Variants in TMPRSS11B observed in about 807,000 individuals in gnomAD.
TMPRSS11B encodes the protein transmembrane protease serine 11B.
In TMPRSS11B, 53 loss-of-function variants were observed where a neutral mutation model predicts 44.7. The ratio of observed to expected loss-of-function variants is 1.19; its 90% confidence interval spans 0.95 to 1.49. TMPRSS11B has a LOEUF of 1.49. TMPRSS11B is among the 40% of genes most tolerant of loss of function. The pLI, the probability that TMPRSS11B is intolerant of heterozygous loss-of-function variation, is 0.00. For missense variants in TMPRSS11B, 526 were observed against 494.8 expected (o/e 1.06, Z -0.60); for synonymous variants, 140 against 159.2 (o/e 0.88, Z 0.91).
chr4:68,243,233 T>A (rs1719906466), intron 1 of TMPRSS11B, among the ~76,000 whole-genome samples: 1 of 152,162 alleles, frequency 6.6e-6, no homozygotes, highest in Non-Finnish European at 1.5e-5. Context: ...AACAGAAGAG[T>A]TTGTAATCAG....
intron 1 of TMPRSS11B, among the ~76,000 whole-genome samples, chr4:68,243,308 C>T (rs911145525): frequency 6.6e-6 from 1 of 152,086 alleles, no homozygotes; most frequent in Admixed American, 6.6e-5. Flanking sequence ...TCATCTCATC[C>T]AGGACCAACT....
chr4:68,232,461 A>C, intron 5 of TMPRSS11B, 45 bp from the exon 6 acceptor site: 1 of 1,566,280 alleles, frequency 6.4e-7, no homozygotes, highest in Non-Finnish European at 8.8e-7. Context: ...AGCAAATATC[A>C]CCAAGCAATT....
Position 68,241,762 on chromosome 4 carries a change from C to G in TMPRSS11B, c.51G>C (p.Thr17=), listed in dbSNP as rs371254373. Residue 17 remains threonine (T), a synonymous_variant, in exon 2 of 10, where the codon ACG becomes ACC. Transcript: ENST00000332644. ...CCGCCACTCCAAGAAAAATAAAGAT[C>G]GTAGTCCATAGTGGCCAAGATCTTT... ...SSQRSWPLWT[T]IFIFLGVAAI... 6.2e-7 allele frequency: 1 copy of G among 1,613,172 alleles called. No homozygotes were observed. Among genetic ancestry groups the G allele is most frequent in the Non-Finnish European group, 8.5e-7 (1 of 1,179,436 alleles).
At position 68,228,755 on chromosome 4, in the gene TMPRSS11B, G is replaced by C; in HGVS notation, c.1076C>G (p.Ala359Gly). ...MLCAGFMSGE[A>G]DACQNDSGGP... ...AACTAGACATACCTGACATGCATCA[G>C]CTTCTCCTGACATAAATCCAGCACA... Residue 359 changes from alanine to glycine, a missense_variant, in exon 9 of 10, where the codon GCT becomes GGT. Coordinates refer to ENST00000332644, the MANE Select transcript of TMPRSS11B (RefSeq NM_182502.3). 6.2e-7 allele frequency: 1 copy of C among 1,610,548 alleles called. No homozygotes were observed. The highest frequency in any genetic ancestry group is 8.5e-7 in the Non-Finnish European group (1 of 1,178,528).
In TMPRSS11B at chr4:68,231,314, A is replaced by G. The variant is rs1719508758; in HGVS notation, c.575T>C (p.Leu192Pro). The change falls in exon 7 of 10, where the codon CTG becomes CCG. Residue 192 changes from leucine to proline, a missense_variant. Physicochemically the swap from Leu to Pro is moderately conservative, Grantham distance 98. Transcript: ENST00000332644. Reference sequence around the variant, plus strand: ...GGCCTGCCATGGCCATGCCCCCTCCAGGGAGCTTTTTCCATTCACAATTTT... The same window carrying G: ...GGCCTGCCATGGCCATGCCCCCTCCGGGGAGCTTTTTCCATTCACAATTTT... ...GNKIVNGKSS[L>P]EGAWPWQASM... 1.9e-6 allele frequency: 3 copies of G among 1,613,888 alleles called. No homozygotes were observed. The African/African-American group carries it at 4.0e-5, about 22-fold the overall frequency.
In TMPRSS11B at chr4:68,231,268, A is replaced by G. The variant is rs765875611; in HGVS notation, c.621T>C (p.Arg207=). 37 of 1,613,690 alleles carry G rather than the reference A, an allele frequency of 2.3e-5. No individual in the cohort carries two copies. The highest frequency in any genetic ancestry group is 2.3e-5 in the Non-Finnish European group (27 of 1,179,982). The stretch of plus-strand genomic sequence containing the variant: ...TGATCAGAGAGGCTCCACAGTAGTG[A>G]CGGCCTTTCCATTGCATGCTGGCCT... The part of the protein sequence containing the change: ...PWQASMQWKG[R]HYCGASLISS... Residue 207 remains arginine (R), a synonymous_variant, in exon 7 of 10, where the codon CGT becomes CGC. Transcript: ENST00000332644.
At chr4:68,241,224 C>A (rs1400802854) in intron 2 of TMPRSS11B, among the ~76,000 whole-genome samples, 3 of 152,064 alleles carry the variant, frequency 2.0e-5, no homozygotes, top group African/African-American at 7.2e-5. Context: ...AAAAATAAAA[C>A]CATGTTTGTG....
intron 7 of TMPRSS11B, 142 bp from the exon 8 acceptor site, chr4:68,229,658 T>C: frequency 1.4e-6 from 1 of 703,548 alleles, no homozygotes. Context: ...AAACTATCTT[T>C]GACATGGAGC....
intron 2 of TMPRSS11B, 29 bp from the exon 3 acceptor site, chr4:68,236,295 A>G: frequency 1.4e-6 from 2 of 1,409,832 alleles, no homozygotes; most frequent in Non-Finnish European, 2.0e-6. Flanking sequence ...AAAACCTCAA[A>G]GAATTTTAAA....
In TMPRSS11B at chr4:68,229,327, A is replaced by C; in HGVS notation, c.876T>G (p.Pro292=). 6.2e-7 allele frequency: 1 copy of C among 1,613,938 alleles called. No homozygotes were observed. Among genetic ancestry groups the C allele is most frequent in the Non-Finnish European group, 8.5e-7 (1 of 1,179,878 alleles). The change falls in exon 8 of 10, where the codon CCT becomes CCG. Residue 292 remains proline, a synonymous_variant. Transcript: ENST00000332644. Reference sequence around the variant, plus strand: ...TTTCTGAGAGCTTCATTTTGGCTTCAGGAAGACAAATCTTACGAATGTACT... The same window carrying C: ...TTTCTGAGAGCTTCATTTTGGCTTCCGGAAGACAAATCTTACGAATGTACT... ...FTEYIRKICL[P]EAKMKLSEND...
At chr4:68,245,449 A>T in intron 1 of TMPRSS11B, 102 bp downstream of exon 1, 1 of 1,290,240 alleles carries the variant, frequency 7.8e-7, no homozygotes, top group Non-Finnish European at 1.1e-6. Context: ...CAGGAATAAA[A>T]ACTAAATTAT....
chr4:68,242,569 T>C (rs1336479274), intron 1 of TMPRSS11B, among the ~76,000 whole-genome samples: 4 of 147,808 alleles, frequency 2.7e-5, no homozygotes, highest in Non-Finnish European at 5.9e-5. Flanking sequence ...TTTTCTTTCT[T>C]TCTTTCTTTC....
At chr4:68,229,206 G>A (rs746726281) in intron 8 of TMPRSS11B, 51 bp downstream of exon 8, 5 of 1,172,080 alleles carry the variant, frequency 4.3e-6, no homozygotes, top group Non-Finnish European at 5.7e-6. Flanking sequence ...TTGATTGATT[G>A]ATTAAATAGT....
chr4:68,228,934 A>G (rs1461956025), intron 8 of TMPRSS11B, 50 bp from the exon 9 acceptor site: 4 of 1,575,864 alleles, frequency 2.5e-6, no homozygotes, highest in Non-Finnish European at 3.4e-6. Flanking sequence ...CTTTGCTGGG[A>G]CAAAGAATAT....
At chr4:68,243,554 T>C (rs1056323354) in intron 1 of TMPRSS11B, among the ~76,000 whole-genome samples, 2 of 152,168 alleles carry the variant, frequency 1.3e-5, no homozygotes, top group South Asian at 4.1e-4. Flanking sequence ...ATGTATTTTT[T>C]CATACCAGAA....
At chr4:68,237,635 A>G (rs1719708711) in intron 2 of TMPRSS11B, among the ~76,000 whole-genome samples, 1 of 152,144 alleles carries the variant, frequency 6.6e-6, no homozygotes, top group South Asian at 2.1e-4. Flanking sequence ...ACAAGGTCTC[A>G]TATCCCCATC....
intron 7 of TMPRSS11B, among the ~76,000 whole-genome samples, chr4:68,230,841 T>G (rs1440410672): frequency 6.6e-6 from 1 of 151,454 alleles, no homozygotes; most frequent in Non-Finnish European, 1.5e-5. Context: ...CTTAGCCAAG[T>G]TTTGTCACCT....
intron 4 of TMPRSS11B, among the ~76,000 whole-genome samples, chr4:68,235,576 G>A (rs937353445): frequency 3.3e-5 from 5 of 152,136 alleles, no homozygotes; most frequent in African/African-American, 9.7e-5. Flanking sequence ...GCCATTGTAA[G>A]GATGATAATT....
intron 2 of TMPRSS11B, among the ~76,000 whole-genome samples, chr4:68,238,517 G>A (rs1719735257): frequency 6.6e-6 from 1 of 151,568 alleles, no homozygotes; most frequent in Admixed American, 6.6e-5. Flanking sequence ...GAGGTCAGGG[G>A]TTCAAGACCA....
Sources: allele counts gnomAD v4.1 joint callset (sites outside exome capture counted in the v4.1 genomes callset), GRCh38; gene constraint gnomAD v4.1.1; transcripts MANE v1.5; gene names NCBI Gene and HGNC (gene_info 2026-07-23, HGNC 2026-07-21).